The following MAGI2 variants were observed in gnomAD, a reference collection of about 807,000 sequenced individuals.
The protein encoded by MAGI2 is membrane associated guanylate kinase, WW and PDZ domain containing 2, also known as membrane-associated guanylate kinase, WW and PDZ domain-containing protein 2.
In MAGI2, 35 loss-of-function variants were observed where a neutral mutation model predicts 133.3. That is an observed-to-expected ratio of 0.26 (90% CI 0.20 to 0.35). The LOEUF is 0.35. MAGI2 is among the 10% of genes least tolerant of loss of function. MAGI2 has a pLI of 1.00. For synonymous variants in MAGI2, 729 were observed against 710.6 expected (o/e 1.03, Z -0.41); for missense variants, 1,636 against 1,863.4 (o/e 0.88, Z 2.25).
intron 1 of MAGI2, among the ~76,000 whole-genome samples, chr7:79,202,148 CGCTGTAAATATTGG>C (rs1828664645): frequency 6.6e-6 from 1 of 151,862 alleles, no homozygotes; most frequent in Non-Finnish European, 1.5e-5. Context: ...CTAAGTGTAA[CGCTGTAAATATTGG>C]TCATTATATA....
In MAGI2 at chr7:78,541,243, G is replaced by C. The variant is rs532316016; in HGVS notation, c.539-19598C>G. 2.0e-5 allele frequency among the ~76,000 whole-genome samples: 3 copies of C among 152,148 alleles called. No homozygotes were observed. The South Asian group carries it at 6.2e-4, about 32-fold the overall frequency. On this transcript the variant is annotated intron_variant, in intron 3 of 21. Coordinates refer to ENST00000354212, the MANE Select transcript of MAGI2 (RefSeq NM_012301.4). ...TCCTATAAGTCTTAATTTTTTGAAA[G>C]AATTACCCTTTTAAAAAGTCTTAAT...
intron 10 of MAGI2, among the ~76,000 whole-genome samples, chr7:78,209,221 CAAAAAAAAAA>C (rs370809243): frequency 9.4e-5 from 1 of 10,626 alleles, no homozygotes; most frequent in Non-Finnish European, 1.6e-4. Context: ...GACTCTGTCT[CAAAAAAAAAA>C]AAAAAAAAAA....
At chr7:79,434,385 C>G (rs974575406) in intron 1 of MAGI2, among the ~76,000 whole-genome samples, 1 of 152,062 alleles carries the variant, frequency 6.6e-6, no homozygotes, top group Non-Finnish European at 1.5e-5. Context: ...GAAACAGATA[C>G]TTTTTCACAA....
intron 6 of MAGI2, among the ~76,000 whole-genome samples, chr7:78,478,578 A>G (rs1792022711): frequency 2.6e-5 from 4 of 151,898 alleles, no homozygotes; most frequent in Admixed American, 2.6e-4. Context: ...AAGTACTGTT[A>G]TCAGTTGGTA....
intron 2 of MAGI2, among the ~76,000 whole-genome samples, chr7:78,893,508 A>C (rs1333390177): frequency 1.3e-5 from 2 of 152,192 alleles, no homozygotes; most frequent in African/African-American, 2.4e-5. Flanking sequence ...AGACTGGATT[A>C]AGAAAATGTG....
intron 10 of MAGI2, among the ~76,000 whole-genome samples, chr7:78,234,644 A>G (rs201133828): frequency 0.38 from 43,836 of 113,908 alleles, 7,506 homozygotes; most frequent in Admixed American, 0.48. Context: ...TAATGAATAT[A>G]TTTCATATTC....
intron 2 of MAGI2, among the ~76,000 whole-genome samples, chr7:78,892,251 C>T (rs541620682): frequency 6.6e-6 from 1 of 152,144 alleles, no homozygotes; most frequent in African/African-American, 2.4e-5. Flanking sequence ...TATGGAAGAA[C>T]ATTCCATGCT....
At chr7:79,157,552 C>A (rs1823903195) in intron 1 of MAGI2, among the ~76,000 whole-genome samples, 1 of 76,716 alleles carries the variant, frequency 1.3e-5, no homozygotes, top group Non-Finnish European at 3.8e-5. Context: ...TCAGATCCTC[C>A]TTTTAAGAAA....
intron 1 of MAGI2, among the ~76,000 whole-genome samples, chr7:79,174,685 A>T (rs1225678654): frequency 1.3e-5 from 2 of 150,688 alleles, no homozygotes; most frequent in South Asian, 4.1e-4. Context: ...TAATAAAAAA[A>T]TTTAAATTTT....
At chr7:78,603,136 T>A (rs22535) in intron 3 of MAGI2, among the ~76,000 whole-genome samples, 113,837 of 152,106 alleles carry the variant, frequency 0.75, 42,939 homozygotes, top group Middle Eastern at 0.79. Context: ...AGTGACAGAA[T>A]TACTGAGAAG....
At chr7:78,100,776 G>A (rs1225425762) in intron 20 of MAGI2, among the ~76,000 whole-genome samples, 1 of 152,158 alleles carries the variant, frequency 6.6e-6, no homozygotes, top group African/African-American at 2.4e-5. Context: ...TCTGTTTGCA[G>A]ATGACATAAT....
chr7:78,450,999 A>G (rs1245333733), intron 6 of MAGI2, among the ~76,000 whole-genome samples: 1 of 152,106 alleles, frequency 6.6e-6, no homozygotes, highest in Non-Finnish European at 1.5e-5. Context: ...AAAAGACAGA[A>G]AGCGGCAGGT....
At chr7:78,197,747 G>GA (rs3840590) in intron 11 of MAGI2, 47,789 of 152,062 alleles carry the variant, frequency 0.31, 8,183 homozygotes, top group South Asian at 0.55. Context: ...CTGTAAAGCA[G>GA]AAAATCACTG....
intron 2 of MAGI2, among the ~76,000 whole-genome samples, chr7:78,755,952 TTTTA>T (rs1216525131): frequency 4.6e-5 from 7 of 152,186 alleles, no homozygotes; most frequent in Non-Finnish European, 8.8e-5. Context: ...AATATTTCCT[TTTTA>T]TTTATTACCC....
chr7:79,403,925 C>A (rs1845634932), intron 1 of MAGI2, among the ~76,000 whole-genome samples: 2 of 152,112 alleles, frequency 1.3e-5, no homozygotes, highest in African/African-American at 2.4e-5. Flanking sequence ...ACATGGAAAC[C>A]TGCAGCATTT....
At chr7:78,458,759 C>T (rs1226582423) in intron 6 of MAGI2, among the ~76,000 whole-genome samples, 1 of 151,874 alleles carries the variant, frequency 6.6e-6, no homozygotes, top group Non-Finnish European at 1.5e-5. Flanking sequence ...TTCAGCCTCC[C>T]GAGTAGGTGG....
intron 2 of MAGI2, among the ~76,000 whole-genome samples, chr7:78,829,791 A>G (rs1385177796): frequency 6.6e-6 from 1 of 152,106 alleles, no homozygotes; most frequent in African/African-American, 2.4e-5. Flanking sequence ...TCAATTTTTT[A>G]GTTCACAAAA....
chr7:79,057,551 C>G (rs1813262515), intron 1 of MAGI2, among the ~76,000 whole-genome samples: 1 of 152,170 alleles, frequency 6.6e-6, no homozygotes, highest in African/African-American at 2.4e-5. Context: ...GTTGCTATCC[C>G]TCAGGTTGTC....
chr7:79,212,220 A>G (rs1829560499), intron 1 of MAGI2, among the ~76,000 whole-genome samples: 1 of 152,072 alleles, frequency 6.6e-6, no homozygotes, highest in African/African-American at 2.4e-5. Context: ...GTTGCTATAG[A>G]GTATTCCATG....
Sources: allele counts gnomAD v4.1 joint callset (sites outside exome capture counted in the v4.1 genomes callset), GRCh38; gene constraint gnomAD v4.1.1; transcripts MANE v1.5; gene names NCBI Gene and HGNC (gene_info 2026-07-23, HGNC 2026-07-21).